Variants in MAD1L1 observed in about 807,000 individuals in gnomAD.
MAD1L1 encodes mitotic spindle assembly checkpoint protein MAD1.
A neutral mutation model predicts 96.9 loss-of-function variants in MAD1L1; 95 were observed. The observed-to-expected ratio is 0.98, with a 90% confidence interval of 0.83 to 1.16. MAD1L1 has a LOEUF of 1.16. Ranked by LOEUF, MAD1L1 falls within the 50% of genes most tolerant of loss-of-function variation. The pLI is 0.00. For synonymous variants in MAD1L1, 473 were observed against 396.6 expected (o/e 1.19, Z -2.29); for missense variants, 1,007 against 954.4 (o/e 1.06, Z -0.73).
At chr7:2,155,262 G>C (rs1455059784) in intron 10 of MAD1L1, among the ~76,000 whole-genome samples, 1 of 152,192 alleles carries the variant, frequency 6.6e-6, no homozygotes, top group Admixed American at 6.5e-5. Context: ...CACCACACCT[G>C]GCCACGGTGG....
chr7:1,965,586 C>T (rs917926072), intron 15 of MAD1L1, among the ~76,000 whole-genome samples: 1 of 152,368 alleles, frequency 6.6e-6, no homozygotes, highest in Non-Finnish European at 1.5e-5. Context: ...GCTTCAGGAG[C>T]GTGGGACCCT....
intron 14 of MAD1L1, among the ~76,000 whole-genome samples, chr7:1,995,850 C>T (rs566200140): frequency 5.3e-4 from 81 of 152,296 alleles, no homozygotes; most frequent in African/African-American, 1.8e-3. Context: ...ATGCCAAGCA[C>T]GAAGCACTCC....
rs941570029 is a variant in MAD1L1, at chr7:2,036,746, G to A, written c.1219-22104C>T. 3.3e-5 allele frequency among the ~76,000 whole-genome samples: 5 copies of A among 152,176 alleles called. No homozygotes were observed. In the South Asian group the frequency reaches 1.0e-3, roughly 32 times the overall value. ...CCCAAGGCCAGGGCTCCTGATCAGAGGTGCTGTAAAGACTCAACAGCCCTG... is the reference window on the plus strand; with the variant it reads ...CCCAAGGCCAGGGCTCCTGATCAGAAGTGCTGTAAAGACTCAACAGCCCTG... On this transcript the variant is annotated intron_variant, in intron 12 of 18. Coordinates refer to ENST00000265854, the MANE Select transcript of MAD1L1 (RefSeq NM_001013836.2).
At chr7:1,986,726 G>A (rs1483087482) in intron 14 of MAD1L1, among the ~76,000 whole-genome samples, 2 of 152,166 alleles carry the variant, frequency 1.3e-5, no homozygotes, top group Non-Finnish European at 2.9e-5. Flanking sequence ...TGCCATTTTG[G>A]TTTTCACGCT....
At chr7:2,031,158 G>T (rs928400558) in intron 12 of MAD1L1, among the ~76,000 whole-genome samples, 1 of 152,204 alleles carries the variant, frequency 6.6e-6, no homozygotes, top group African/African-American at 2.4e-5. Context: ...CTGAACACCA[G>T]GCCGCTCAGA....
rs113601033 is a variant in MAD1L1 at position 1,971,985 on chromosome 7, C to T, written c.1505+8468G>A. On this transcript the variant is annotated intron_variant, in intron 15 of 18. Transcript: ENST00000265854. Reference sequence around the variant, plus strand: ...TTTGTGGGAAACGTACAAGGAGGTCCGTGTCCTCTTTACCCAATCTCCCTC... The same window carrying T: ...TTTGTGGGAAACGTACAAGGAGGTCTGTGTCCTCTTTACCCAATCTCCCTC... Among the ~76,000 whole-genome samples the T allele has an allele frequency of 1.6e-3, 243 of 152,308 alleles. 2 individuals carry two copies. Among genetic ancestry groups the T allele is most frequent in the African/African-American group, 5.7e-3 (235 of 41,570 alleles).
chr7:2,185,957 C>A (rs1791441455), intron 10 of MAD1L1, among the ~76,000 whole-genome samples: 1 of 152,200 alleles, frequency 6.6e-6, no homozygotes, highest in South Asian at 2.1e-4. Context: ...GCTACCAGGG[C>A]AGACAGATGA....
At chr7:1,864,720 G>A (rs1470991969) in intron 18 of MAD1L1, among the ~76,000 whole-genome samples, 2 of 152,168 alleles carry the variant, frequency 1.3e-5, no homozygotes, top group Non-Finnish European at 1.5e-5. Flanking sequence ...CCGTGAGGGT[G>A]GGCCCTCGTG....
intron 18 of MAD1L1, among the ~76,000 whole-genome samples, chr7:1,886,883 G>C (rs1407429191): frequency 6.6e-6 from 1 of 152,280 alleles, no homozygotes; most frequent in Admixed American, 6.5e-5. Context: ...CCTGGGGACA[G>C]TTGGGGTGTG....
chr7:2,031,951 C>T (rs1783246618), intron 12 of MAD1L1, among the ~76,000 whole-genome samples: 1 of 152,258 alleles, frequency 6.6e-6, no homozygotes, highest in South Asian at 2.1e-4. Flanking sequence ...CTCCAGCGTT[C>T]CTATCAGCAA....
chr7:2,187,998 C>T (rs764949029), intron 10 of MAD1L1, among the ~76,000 whole-genome samples: 70 of 152,172 alleles, frequency 4.6e-4, no homozygotes, highest in Non-Finnish European at 8.7e-4. Context: ...GGATTCCTAA[C>T]GTTTAAAGAC....
chr7:1,957,809 A>C (rs1397341885), intron 15 of MAD1L1, 90 bp from the exon 16 acceptor site: 1 of 1,095,620 alleles, frequency 9.1e-7, no homozygotes, highest in African/African-American at 1.6e-5. Flanking sequence ...GTGAAAGGTT[A>C]GGAGACCCAG....
intron 10 of MAD1L1, among the ~76,000 whole-genome samples, chr7:2,212,061 A>G (rs1792974079): frequency 1.3e-5 from 2 of 152,186 alleles, no homozygotes; most frequent in East Asian, 1.9e-4. Flanking sequence ...GCAACCAGGA[A>G]GAGGGGTCCA....
At chr7:1,970,811 G>A (rs1481824548) in intron 15 of MAD1L1, among the ~76,000 whole-genome samples, 2 of 152,174 alleles carry the variant, frequency 1.3e-5, no homozygotes, top group African/African-American at 2.4e-5. Flanking sequence ...CAGGCATGTG[G>A]TGGTAAGAAG....
At chr7:2,062,082 A>C (rs1439475264) in intron 12 of MAD1L1, among the ~76,000 whole-genome samples, 1 of 151,680 alleles carries the variant, frequency 6.6e-6, no homozygotes, top group Non-Finnish European at 1.5e-5. Flanking sequence ...CTCTACAAAA[A>C]TACAAAAAAA....
chr7:2,113,035 C>T (rs1487950364), intron 11 of MAD1L1, among the ~76,000 whole-genome samples: 2 of 152,096 alleles, frequency 1.3e-5, no homozygotes, highest in Non-Finnish European at 2.9e-5. Flanking sequence ...CACAAATAAC[C>T]TACTCGACGA....
intron 18 of MAD1L1, among the ~76,000 whole-genome samples, chr7:1,862,300 G>A (rs1281801606): frequency 6.6e-6 from 1 of 152,244 alleles, no homozygotes; most frequent in Non-Finnish European, 1.5e-5. Context: ...AATATCTCCA[G>A]ATGTTGCCAC....
At position 2,114,652 on chromosome 7, in the gene MAD1L1, C is replaced by G. The variant is rs1421554423; in HGVS notation, c.1073+34500G>C. Among the ~76,000 whole-genome samples the G allele has an allele frequency of 1.3e-5, 2 of 152,240 alleles. No individual in the cohort carries two copies. The highest frequency in any genetic ancestry group is 2.9e-5 in the Non-Finnish European group (2 of 68,044). On this transcript the variant is annotated intron_variant, in intron 11 of 18. Transcript: ENST00000265854. The surrounding 1 kb of genome is among the most constrained non-coding windows in gnomAD (Gnocchi z 4.2). Reference sequence around the variant, plus strand: ...CCTGTGGCCAAATCCCACCCACAGCCTGTTTTTGTAAACAACTTTTGTTTT... The same window carrying G: ...CCTGTGGCCAAATCCCACCCACAGCGTGTTTTTGTAAACAACTTTTGTTTT...
intron 11 of MAD1L1, among the ~76,000 whole-genome samples, chr7:2,116,572 G>T (rs548789328): frequency 2.0e-5 from 3 of 151,080 alleles, no homozygotes; most frequent in Admixed American, 6.6e-5. Context: ...AGGGTTGGGG[G>T]GGGGGGGGGC....
Sources: allele counts gnomAD v4.1 joint callset (sites outside exome capture counted in the v4.1 genomes callset), GRCh38; gene constraint gnomAD v4.1.1; non-coding constraint Gnocchi (gnomAD v3.1); transcripts MANE v1.5; gene names NCBI Gene and HGNC (gene_info 2026-07-23, HGNC 2026-07-21).